Variants in FBXW10B observed in about 807,000 individuals in gnomAD.
The protein encoded by FBXW10B is F-box and WD repeat domain containing protein 10B.
chr17:15,595,000 T>C, the FBXW10B span: 1 of 1,482,640 alleles, frequency 6.7e-7, no homozygotes, highest in Non-Finnish European at 9.2e-7. Context: ...AATCTGTGAC[T>C]GCCATTCACT....
chr17:15,612,485 G>A, the FBXW10B span, among the ~76,000 whole-genome samples: 2 of 151,930 alleles, frequency 1.3e-5, no homozygotes, highest in Middle Eastern at 3.2e-3. Flanking sequence ...CTGCACTCCA[G>A]CCTGGGTGAC....
chr17:15,565,995 C>A, the FBXW10B span: 1 of 1,610,886 alleles, frequency 6.2e-7, no homozygotes, highest in Non-Finnish European at 8.5e-7. Flanking sequence ...TAGGACTGTG[C>A]AAAGAGATCT....
chr17:15,615,321 C>CTTTTTTTTTTTTTT, the FBXW10B span, among the ~76,000 whole-genome samples: 13 of 88,734 alleles, frequency 1.5e-4, no homozygotes, highest in African/African-American at 5.2e-4. Context: ...TATTGGCTTT[C>CTTTTTTTTTTTTTT]TTTTTTTTTT....
At chr17:15,612,607 T>C in the FBXW10B span, 2 of 1,563,450 alleles carry the variant, frequency 1.3e-6, no homozygotes, top group Non-Finnish European at 1.7e-6. Flanking sequence ...TGATCCTCTG[T>C]CCTCACTCCA....
At chr17:15,603,623 G>A in the FBXW10B span, among the ~76,000 whole-genome samples, 1 of 151,912 alleles carries the variant, frequency 6.6e-6, no homozygotes, top group African/African-American at 2.4e-5. Context: ...GCTGCCAATG[G>A]GAATGTAAAT....
chr17:15,605,523 G>T, the FBXW10B span: 1 of 1,369,654 alleles, frequency 7.3e-7, no homozygotes, highest in African/African-American at 1.5e-5. Flanking sequence ...GTGGTGTAAA[G>T]GAAAATCCAG....
chr17:15,616,961 G>A, the FBXW10B span, among the ~76,000 whole-genome samples: 3 of 152,184 alleles, frequency 2.0e-5, no homozygotes, highest in Non-Finnish European at 4.4e-5. Context: ...GTACAAGCCA[G>A]GCCTTCTGCT....
chr17:15,599,939 G>A, the FBXW10B span, among the ~76,000 whole-genome samples: 10 of 151,946 alleles, frequency 6.6e-5, no homozygotes, highest in East Asian at 1.9e-4. Context: ...ACTTACAGCC[G>A]GGCACGGTGG....
At chr17:15,589,192 C>A in the FBXW10B span, 1 of 1,613,600 alleles carries the variant, frequency 6.2e-7, no homozygotes, top group Non-Finnish European at 8.5e-7. Flanking sequence ...CACGTTAATT[C>A]TTTTAGCAAA....
At chr17:15,593,403 C>T in the FBXW10B span, 3 of 1,614,184 alleles carry the variant, frequency 1.9e-6, no homozygotes, top group Non-Finnish European at 2.5e-6. Flanking sequence ...CACCTTCATA[C>T]AGTTCCCATT....
the FBXW10B span, among the ~76,000 whole-genome samples, chr17:15,603,559 A>G: frequency 6.6e-6 from 1 of 152,198 alleles, no homozygotes; most frequent in South Asian, 2.1e-4. Flanking sequence ...CAAAACTGTT[A>G]GACTGTCAAT....
the FBXW10B span, chr17:15,594,949 C>A: frequency 6.2e-7 from 1 of 1,603,912 alleles, no homozygotes; most frequent in Non-Finnish European, 8.5e-7. Flanking sequence ...AGAACCAAAG[C>A]TGAGCCTTCT....
At chr17:15,604,315 A>T in the FBXW10B span, among the ~76,000 whole-genome samples, 3 of 152,126 alleles carry the variant, frequency 2.0e-5, no homozygotes, top group Non-Finnish European at 4.4e-5. Context: ...GGCACAAGTA[A>T]CTAATACTTC....
chr17:15,611,012 A>G, the FBXW10B span, among the ~76,000 whole-genome samples: 1 of 151,102 alleles, frequency 6.6e-6, no homozygotes, highest in Non-Finnish European at 1.5e-5. Context: ...GGAAATCCAG[A>G]AATGTGTTTT....
the FBXW10B span, among the ~76,000 whole-genome samples, chr17:15,567,538 C>T: frequency 6.6e-6 from 1 of 152,022 alleles, no homozygotes; most frequent in African/African-American, 2.4e-5. Flanking sequence ...CATTGATGGA[C>T]ATTAAGTTTG....
chr17:15,609,803 T>C, the FBXW10B span, among the ~76,000 whole-genome samples: 1 of 151,902 alleles, frequency 6.6e-6, no homozygotes, highest in East Asian at 1.9e-4. Context: ...CTCCATACTG[T>C]TTCACCTGCT....
chr17:15,583,586 T>C, the FBXW10B span, among the ~76,000 whole-genome samples: 1 of 150,164 alleles, frequency 6.7e-6, no homozygotes. Flanking sequence ...AAGGTGCTTT[T>C]AAGCCCACAG....
chr17:15,592,737 TG>T, the FBXW10B span, among the ~76,000 whole-genome samples: 1 of 151,858 alleles, frequency 6.6e-6, no homozygotes, highest in Admixed American at 6.6e-5. Context: ...GGCTGCACAT[TG>T]GTAGAACTGT....
At chr17:15,587,817 C>G in the FBXW10B span, among the ~76,000 whole-genome samples, 3 of 152,164 alleles carry the variant, frequency 2.0e-5, no homozygotes, top group African/African-American at 7.2e-5. Context: ...AAGCTGCACA[C>G]TGGTGACTCT....
Sources: gnomAD v4.1 joint callset for allele counts (sites outside exome capture counted in the v4.1 genomes callset) on GRCh38, gnomAD v4.1.1 for gene constraint, MANE v1.5 for transcripts, NCBI Gene and HGNC (gene_info 2026-07-23, HGNC 2026-07-21) for gene names.